PHF5A: variants seen among roughly 807,000 people sequenced by gnomAD.
The protein encoded by PHF5A is PHD finger-like domain-containing protein 5A.
For synonymous variants in PHF5A, 52 were observed against 46.0 expected (o/e 1.13, Z -0.52); for missense variants, 24 against 140.6 (o/e 0.17, Z 4.19).
rs2037814146 is a variant in PHF5A, at chr22:41,459,977, G to C, written c.*421C>G. 1 of 129,530 alleles carries C rather than the reference G, an allele frequency of 7.7e-6. No individual in the cohort carries two copies. The highest frequency in any genetic ancestry group is 3.0e-5 in the African/African-American group (1 of 33,890). 8.0% of individuals were successfully genotyped at this position (129,530 alleles called of 1,614,324 possible). ...TGATAGCTTCCCACCACACACCAAA[G>C]GTTCCTCAAGGACAGCTGCCACCAG... is the stretch of plus-strand genomic sequence containing the variant. On this transcript the variant is annotated 3_prime_UTR_variant, in exon 4 of 4. Transcript: ENST00000216252.
Position 41,467,556 on chromosome 22 carries a change from T to C in PHF5A, c.135A>G (p.Ile45Met). ...AAGATCCATAGTTACACTCATCACA[T>C]ATGCGCACCAGAGTGCAGGGACGCA... is the stretch of plus-strand genomic sequence containing the variant. ...SYVRPCTLVR[I>M]CDECNYGSYQ... Residue 45 changes from isoleucine (I) to methionine (M), a missense_variant, in exon 3 of 4, where the codon ATA becomes ATG. Physicochemically the swap from Ile to Met is conservative, Grantham distance 10 (BLOSUM62 1). Transcript: ENST00000216252. 1.2e-6 allele frequency: 2 copies of C among 1,614,174 alleles called. No homozygotes were observed. Among genetic ancestry groups the C allele is most frequent in the South Asian group, 1.1e-5 (1 of 91,080 alleles).
intron 3 of PHF5A, among the ~76,000 whole-genome samples, chr22:41,466,218 C>A (rs1456162981): frequency 6.6e-6 from 1 of 152,100 alleles, no homozygotes; most frequent in African/African-American, 2.4e-5. Context: ...TTTTCTCCCA[C>A]AAAGAACCCT....
intron 1 of PHF5A, chr22:41,468,382 C>T: frequency 3.2e-6 from 2 of 629,564 alleles, no homozygotes; most frequent in South Asian, 3.9e-5. Context: ...CTGGTTCAGA[C>T]CCCACCCCCC....
At chr22:41,468,063 T>C in intron 2 of PHF5A, 61 bp downstream of exon 2, 1 of 1,583,534 alleles carries the variant, frequency 6.3e-7, no homozygotes, top group Non-Finnish European at 8.7e-7. Flanking sequence ...GCACTTTTGC[T>C]GGTTCCACAG....
At chr22:41,468,204 A>G (rs2146066714) in intron 1 of PHF5A, 57 bp from the exon 2 acceptor site, 1 of 1,588,290 alleles carries the variant, frequency 6.3e-7, no homozygotes, top group East Asian at 2.2e-5. Flanking sequence ...GAGAAAGAGG[A>G]GAAGTACATC....
At chr22:41,466,470 C>T (rs1035381501) in intron 3 of PHF5A, among the ~76,000 whole-genome samples, 1 of 152,174 alleles carries the variant, frequency 6.6e-6, no homozygotes, top group East Asian at 1.9e-4. Flanking sequence ...AACTTTGTCA[C>T]GATATACACC....
chr22:41,463,028 C>T (rs868723370), intron 3 of PHF5A, among the ~76,000 whole-genome samples: 3 of 151,906 alleles, frequency 2.0e-5, no homozygotes, highest in Non-Finnish European at 2.9e-5. Context: ...CACCCACCAC[C>T]GCACCCAGCT....
At chr22:41,468,391 C>G (rs961425592) in intron 1 of PHF5A, 1 of 652,066 alleles carries the variant, frequency 1.5e-6, no homozygotes, top group South Asian at 1.9e-5. Flanking sequence ...ACCCCACCCC[C>G]CGATACCTGC....
intron 3 of PHF5A, among the ~76,000 whole-genome samples, chr22:41,465,233 T>G (rs1053599712): frequency 5.3e-5 from 8 of 152,024 alleles, no homozygotes; most frequent in Non-Finnish European, 1.0e-4. Flanking sequence ...AGTGCAATGG[T>G]GTGATCTCGG....
rs1054988789 is a variant in PHF5A at position 41,460,268 on chromosome 22, G to C, written c.*130C>G. The C allele has an allele frequency of 2.2e-5, 15 of 668,748 alleles. No individual in the cohort carries two copies. The highest frequency in any genetic ancestry group is 3.8e-5 in the Non-Finnish European group (15 of 399,040). 41.4% of individuals were successfully genotyped at this position (668,748 alleles called of 1,614,324 possible). A position where few individuals can be genotyped will look rare whatever the true frequency, so the allele number is the denominator to read the frequency against. Reference sequence around the variant, plus strand: ...GTGAAGGGAGAGGAGGGGGTGGCAAGCTGCCAGTACACTAGCAGGCACTCC... The same window carrying C: ...GTGAAGGGAGAGGAGGGGGTGGCAACCTGCCAGTACACTAGCAGGCACTCC... On this transcript the variant is annotated 3_prime_UTR_variant, in exon 4 of 4. Coordinates refer to ENST00000216252, the MANE Select transcript of PHF5A (RefSeq NM_032758.4).
Position 41,460,812 on chromosome 22 carries a change from C to T in PHF5A, c.244-325G>A, listed in dbSNP as rs566828187. On this transcript the variant is annotated intron_variant, in intron 3 of 3. Coordinates refer to ENST00000216252, the MANE Select transcript of PHF5A (RefSeq NM_032758.4). ...TGGGTTTGTAAATGTGTCCAAACAC[C>T]AGTTATCTCCTTAATTGGGAGGCCC... is the stretch of plus-strand genomic sequence containing the variant. Among the ~76,000 whole-genome samples, 3 of 152,146 alleles carry T rather than the reference C, an allele frequency of 2.0e-5. No homozygotes were observed. In the South Asian group the frequency reaches 6.2e-4, roughly 32 times the overall value.
chr22:41,460,236 T>A lies in PHF5A; in HGVS notation c.*162A>T, dbSNP rs927898920. On this transcript the variant is annotated 3_prime_UTR_variant, in exon 4 of 4. Coordinates refer to ENST00000216252, the MANE Select transcript of PHF5A (RefSeq NM_032758.4). ...AGAATCCTTTTCCATCCCTACCACG[T>A]GTCTGGGTGAAGGGAGAGGAGGGGG... The A allele has an allele frequency of 3.1e-5, 18 of 574,262 alleles. No individual in the cohort carries two copies. Among genetic ancestry groups the A allele is most frequent in the African/African-American group, 2.4e-4 (13 of 54,028 alleles). 35.6% of individuals were successfully genotyped at this position (574,262 alleles called of 1,614,324 possible).
chr22:41,466,031 C>G (rs1025659357), intron 3 of PHF5A, among the ~76,000 whole-genome samples: 3 of 152,146 alleles, frequency 2.0e-5, no homozygotes, highest in African/African-American at 7.2e-5. Context: ...TTGTGAGGAA[C>G]AAGGTGTGAT....
intron 1 of PHF5A, chr22:41,468,356 CAG>C: frequency 1.5e-6 from 1 of 651,506 alleles, no homozygotes; most frequent in South Asian, 1.9e-5. Flanking sequence ...TGGGCAAGCT[CAG>C]AGTTTCTCTG....
At chr22:41,465,793 T>C (rs1211360919) in intron 3 of PHF5A, among the ~76,000 whole-genome samples, 1 of 152,022 alleles carries the variant, frequency 6.6e-6, no homozygotes, top group Non-Finnish European at 1.5e-5. Context: ...GGCAGGAGAA[T>C]CGCTTGAACC....
rs563057106 is a variant in PHF5A at position 41,463,316 on chromosome 22, C to T, written c.244-2829G>A. Among the ~76,000 whole-genome samples, 83 of 151,348 alleles carry T rather than the reference C, an allele frequency of 5.5e-4. 1 individual carries two copies. The highest frequency in any genetic ancestry group is 8.4e-4 in the Non-Finnish European group (57 of 67,870). ...TTAAGAAACACTGAGTCACGACGGG[C>T]GTGGTGGCTCACGCCTGTAATCCCA... is the stretch of plus-strand genomic sequence containing the variant. On this transcript the variant is annotated intron_variant, in intron 3 of 3. Transcript: ENST00000216252.
At chr22:41,468,440 T>C (rs1175934634) in intron 1 of PHF5A, 162 bp downstream of exon 1, 2 of 685,542 alleles carry the variant, frequency 2.9e-6, no homozygotes, top group African/African-American at 1.9e-5. Flanking sequence ...CCTCTTCTCA[T>C]CAGAGGCCAC....
At chr22:41,468,473 C>A in intron 1 of PHF5A, 129 bp downstream of exon 1, 1 of 1,117,186 alleles carries the variant, frequency 9.0e-7, no homozygotes, top group Non-Finnish European at 1.3e-6. Context: ...TCCTACAACA[C>A]CCCGCGCCTG....
intron 3 of PHF5A, among the ~76,000 whole-genome samples, chr22:41,466,681 A>G (rs947495882): frequency 1.6e-4 from 25 of 152,226 alleles, no homozygotes; most frequent in Admixed American, 7.2e-4. Context: ...ACACCAGCAC[A>G]CCTGACTAAT....
Sources: gnomAD v4.1 joint callset for allele counts (sites outside exome capture counted in the v4.1 genomes callset) on GRCh38, gnomAD v4.1.1 for gene constraint, MANE v1.5 for transcripts, NCBI Gene and HGNC (gene_info 2026-07-23, HGNC 2026-07-21) for gene names.